Variants in JAKMIP3 observed in about 807,000 individuals in gnomAD.
The protein encoded by JAKMIP3 is janus kinase and microtubule-interacting protein 3.
JAKMIP3 carries 58 observed loss-of-function variants against 118.5 expected under a neutral mutation model. The observed-to-expected ratio is 0.49, with a 90% CI of 0.40 to 0.61. The LOEUF is 0.61. Ranked by LOEUF, JAKMIP3 falls within the 20% of genes least tolerant of loss-of-function variation. The pLI, the probability that JAKMIP3 is intolerant of heterozygous loss-of-function variation, is 0.00. For missense variants in JAKMIP3, 950 were observed against 1,109.0 expected (o/e 0.86, Z 2.04); for synonymous variants, 486 against 451.2 (o/e 1.08, Z -0.98).
rs537983191 is a variant in JAKMIP3, at chr10:132,178,459, A to G, written c.*1104-3898A>G. 3.9e-5 allele frequency among the ~76,000 whole-genome samples: 6 copies of G among 152,324 alleles called. 1 individual carries two copies. The South Asian group carries it at 1.2e-3, about 32-fold the overall frequency. Reference sequence around the variant, plus strand: ...AAAAAAATACCTTGACTGTGAGCAGAGTTAGTGGCTGCCATTTGTTTCTGT... The same window carrying G: ...AAAAAAATACCTTGACTGTGAGCAGGGTTAGTGGCTGCCATTTGTTTCTGT... On this transcript the variant is annotated intron_variant, in intron 23 of 23. Transcript: ENST00000684848.
At chr10:132,165,892 G>A (rs1015307906) in intron 21 of JAKMIP3, among the ~76,000 whole-genome samples, 7 of 152,258 alleles carry the variant, frequency 4.6e-5, no homozygotes, top group African/African-American at 7.2e-5. Flanking sequence ...CCACTAGCAC[G>A]CAGGGGCACC....
At chr10:132,172,316 C>T (rs1388958489) in intron 23 of JAKMIP3, among the ~76,000 whole-genome samples, 2 of 152,058 alleles carry the variant, frequency 1.3e-5, no homozygotes, top group Non-Finnish European at 2.9e-5. Flanking sequence ...TCACTGAGGC[C>T]GTAACCTTGA....
chr10:132,146,625 C>T (rs556442060), intron 13 of JAKMIP3, among the ~76,000 whole-genome samples: 1 of 152,246 alleles, frequency 6.6e-6, no homozygotes, highest in Non-Finnish European at 1.5e-5. Context: ...TGGGGAGAAG[C>T]TAGGGTAGCC....
chr10:132,180,536 T>TGTGTGC (rs1186033566), intron 23 of JAKMIP3, among the ~76,000 whole-genome samples: 1,281 of 34,534 alleles, frequency 0.037, 442 homozygotes, highest in Non-Finnish European at 0.043. Flanking sequence ...TGTGTGTGTG[T>TGTGTGC]GTGTGTGTGC....
At chr10:132,089,570 CTT>C (rs2042856711) in intron 1 of JAKMIP3, among the ~76,000 whole-genome samples, 1 of 152,174 alleles carries the variant, frequency 6.6e-6, no homozygotes, top group Non-Finnish European at 1.5e-5. Context: ...TATCCTGAGA[CTT>C]TGCTGAAGTT....
chr10:132,109,674 C>T (rs2046548979), intron 2 of JAKMIP3, among the ~76,000 whole-genome samples: 1 of 152,178 alleles, frequency 6.6e-6, no homozygotes, highest in Admixed American at 6.5e-5. Context: ...TACTCCATTC[C>T]ATAAATGGAA....
chr10:132,169,609 G>A (rs1454059038), intron 23 of JAKMIP3, among the ~76,000 whole-genome samples: 7 of 152,292 alleles, frequency 4.6e-5, no homozygotes, highest in Middle Eastern at 3.4e-3. Context: ...AGGGTGAGCC[G>A]GTTCTTGGGG....
At chr10:132,104,379 CCTCA>C (rs1337431879) in intron 1 of JAKMIP3, among the ~76,000 whole-genome samples, 1 of 152,198 alleles carries the variant, frequency 6.6e-6, no homozygotes, top group Non-Finnish European at 1.5e-5. Context: ...GTGCCCACTC[CCTCA>C]CTCTCTGATT....
At chr10:132,058,252 T>C (rs2038298959) in intron 1 of JAKMIP3, among the ~76,000 whole-genome samples, 1 of 152,194 alleles carries the variant, frequency 6.6e-6, no homozygotes, top group Non-Finnish European at 1.5e-5. Context: ...TTGGCACCCA[T>C]GGGTGGAAAT....
In JAKMIP3 at chr10:132,150,004, T is replaced by C. The variant is rs1317339987; in HGVS notation, c.1970T>C (p.Met657Thr). ...TAGGACATTGTGGTTGCGGAGCTGA[T>C]GAAGAAGCTGGACATCCTGGGCGAT... ...GVTDIVVAEL[M>T]KKLDILGDNA... The change falls in exon 16 of 24, where the codon ATG becomes ACG. Residue 657 changes from methionine (M) to threonine (T), a missense_variant. Met to Thr is a moderately conservative substitution (Grantham distance 81). Transcript: ENST00000684848. 1 of 1,589,258 alleles carries C rather than the reference T, an allele frequency of 6.3e-7. No homozygotes were observed. Among genetic ancestry groups the C allele is most frequent in the African/African-American group, 1.4e-5 (1 of 69,286 alleles).
intron 1 of JAKMIP3, among the ~76,000 whole-genome samples, chr10:132,069,487 G>T (rs2039474826): frequency 1.3e-5 from 2 of 152,256 alleles, no homozygotes; most frequent in Middle Eastern, 3.4e-3. Flanking sequence ...GGGGCTCCTG[G>T]GTGTTTTGGT....
chr10:132,139,105 C>G (rs12776179), intron 9 of JAKMIP3, among the ~76,000 whole-genome samples: 1 of 27,552 alleles, frequency 3.6e-5, no homozygotes, highest in African/African-American at 1.4e-4. Context: ...TATGTGTGTA[C>G]ATGTGTGTGT....
intron 1 of JAKMIP3, among the ~76,000 whole-genome samples, chr10:132,076,384 A>AT (rs2134093183): frequency 6.6e-6 from 1 of 152,316 alleles, no homozygotes; most frequent in Admixed American, 6.5e-5. Context: ...ACGTGGATAG[A>AT]CCGTTTTTGT....
chr10:132,180,650 T>TGCGCGC (rs1428607821), intron 23 of JAKMIP3, among the ~76,000 whole-genome samples: 3 of 28,244 alleles, frequency 1.1e-4, no homozygotes, highest in Non-Finnish European at 1.2e-4. Flanking sequence ...TGTGTGCGTG[T>TGCGCGC]GCGTGTGCGT....
chr10:132,139,076 A>G (rs11146207), intron 9 of JAKMIP3, among the ~76,000 whole-genome samples: 52 of 118,828 alleles, frequency 4.4e-4, no homozygotes, highest in East Asian at 8.3e-4. Flanking sequence ...GTGTATGTGT[A>G]TGTGTGTGTG....
In JAKMIP3 at chr10:132,183,311, C is replaced by T. The variant is rs1234668141; in HGVS notation, c.*2058C>T. 6.6e-6 allele frequency: 1 copy of T among 152,238 alleles called. No homozygotes were observed. Among genetic ancestry groups the T allele is most frequent in the Non-Finnish European group, 1.5e-5 (1 of 68,040 alleles). 9.4% of individuals were successfully genotyped at this position (152,238 alleles called of 1,614,324 possible). On this transcript the variant is annotated 3_prime_UTR_variant, in exon 24 of 24. Transcript: ENST00000684848. ...TCTGGGAGAGCTCCTGGCATGGTCC[C>T]AATGTGTACCTGCATGGGAACAACA...
intron 1 of JAKMIP3, among the ~76,000 whole-genome samples, chr10:132,055,517 C>T (rs562425260): frequency 6.6e-6 from 1 of 152,272 alleles, no homozygotes; most frequent in South Asian, 2.1e-4. Flanking sequence ...GCCAAGAAGC[C>T]CGCAGGCCAT....
At chr10:132,068,815 G>A (rs1044455073) in intron 1 of JAKMIP3, among the ~76,000 whole-genome samples, 8 of 152,170 alleles carry the variant, frequency 5.3e-5, no homozygotes, top group Admixed American at 3.3e-4. Context: ...ATGTCCTGTG[G>A]TTGCCAGTTT....
chr10:132,128,889 C>T (rs1226823180), intron 3 of JAKMIP3, among the ~76,000 whole-genome samples: 5 of 151,898 alleles, frequency 3.3e-5, no homozygotes, highest in African/African-American at 1.2e-4. Context: ...TCAATATCCT[C>T]ATCATCTCTG....
Sources: gnomAD v4.1 joint callset for allele counts (sites outside exome capture counted in the v4.1 genomes callset) on GRCh38, gnomAD v4.1.1 for gene constraint, MANE v1.5 for transcripts, NCBI Gene and HGNC (gene_info 2026-07-23, HGNC 2026-07-21) for gene names.